ASIC1: variants seen among roughly 807,000 people sequenced by gnomAD.
The protein encoded by ASIC1 is acid sensing ion channel subunit 1.
In ASIC1, 21 loss-of-function variants were observed where a neutral mutation model predicts 63.4. The ratio of observed to expected loss-of-function variants is 0.33; its 90% CI spans 0.23 to 0.48. The LOEUF is 0.48. Ranked by LOEUF, ASIC1 falls within the 20% of genes least tolerant of loss-of-function variation. ASIC1 has a pLI of 0.99. For missense variants in ASIC1, 478 were observed against 695.5 expected, an observed-to-expected ratio of 0.69 and a Z score of 3.52; for synonymous variants, 258 against 278.2, an observed-to-expected ratio of 0.93 and a Z score of 0.72.
intron 3 of ASIC1, among the ~76,000 whole-genome samples, chr12:50,065,703 A>G (rs1016792772): frequency 2.6e-5 from 4 of 152,212 alleles, no homozygotes; most frequent in Admixed American, 6.5e-5. Context: ...GTCAATTGTG[A>G]TCTTTCTGAG....
At position 50,063,029 on chromosome 12, in the gene ASIC1, A is replaced by G. The variant is rs1158001214; in HGVS notation, c.558+3075A>G. Among the ~76,000 whole-genome samples, 3 of 152,160 alleles carry G rather than the reference A, an allele frequency of 2.0e-5. No homozygotes were observed. In the South Asian group the frequency reaches 6.2e-4, roughly 32 times the overall value. ...CAGCAACCTGGCTGGGAAGGTTTCA[A>G]TAGCTGCCTCCTGAGCAACCACAGT... On this transcript the variant is annotated intron_variant, in intron 3 of 11. Coordinates refer to ENST00000447966, the MANE Select transcript of ASIC1 (RefSeq NM_001095.4).
At chr12:50,073,992 C>T in intron 3 of ASIC1, 1 of 1,535,786 alleles carries the variant, frequency 6.5e-7, no homozygotes, top group Non-Finnish European at 8.7e-7. Context: ...TCCCGGCAGT[C>T]ACCCTCTGCA....
In ASIC1 at chr12:50,078,915, C is replaced by T. The variant is rs112190458; in HGVS notation, c.995-9C>T. The T allele has an allele frequency of 1.2e-6, 2 of 1,613,708 alleles. No individual in the cohort carries two copies. Among genetic ancestry groups the T allele is most frequent in the Middle Eastern group, 1.6e-4 (1 of 6,062 alleles). ...CCCATCCTGCATCATTGTCTTTTCT[C>T]CTCTGTAGGGGATGCCCCATACTGT... On this transcript the variant is annotated splice_polypyrimidine_tract_variant and intron_variant, in intron 6 of 11. Coordinates refer to ENST00000447966, the MANE Select transcript of ASIC1 (RefSeq NM_001095.4). This position sits in a 1 kb window ranked among gnomAD's most constrained non-coding sequence, Gnocchi z 6.0.
Position 50,074,048 on chromosome 12 carries a change from T to G in ASIC1, c.559-3165T>G. On this transcript the variant is annotated intron_variant, in intron 3 of 11. Transcript: ENST00000447966. This position sits in a 1 kb window ranked among gnomAD's most constrained non-coding sequence, Gnocchi z 4.2. ...TCCCAGCTCAGCTACCCTGACTTGC[T>G]TTATTTGGCCCCCATGCTGGGACTG... 1 of 1,534,502 alleles carries G rather than the reference T, an allele frequency of 6.5e-7. No individual in the cohort carries two copies. Among genetic ancestry groups the G allele is most frequent in the South Asian group, 1.2e-5 (1 of 83,920 alleles).
Position 50,059,244 on chromosome 12 carries a change from C to T in ASIC1, c.362+116C>T. 1 of 1,411,450 alleles carries T rather than the reference C, an allele frequency of 7.1e-7. No homozygotes were observed. Among genetic ancestry groups the T allele is most frequent in the Non-Finnish European group, 9.5e-7 (1 of 1,055,750 alleles). 87.4% of individuals were successfully genotyped at this position (1,411,450 alleles called of 1,614,324 possible). A position where few individuals can be genotyped will look rare whatever the true frequency, so the allele number is the denominator to read the frequency against. Reference sequence around the variant, plus strand: ...AGCCAACCCTGCCCTTTAACCCACCCCCACCCCCAAACCTGCCACTCACAG... The same window carrying T: ...AGCCAACCCTGCCCTTTAACCCACCTCCACCCCCAAACCTGCCACTCACAG... On this transcript the variant is annotated intron_variant, in intron 2 of 11. Coordinates refer to ENST00000447966, the MANE Select transcript of ASIC1 (RefSeq NM_001095.4). This position sits in a 1 kb window ranked among gnomAD's most constrained non-coding sequence, Gnocchi z 4.6.
chr12:50,070,386 TG>T (rs1464598184), intron 3 of ASIC1, among the ~76,000 whole-genome samples: 1 of 150,710 alleles, frequency 6.6e-6, no homozygotes, highest in African/African-American at 2.4e-5. Context: ...GTGTGCGTGT[TG>T]GGGTGTGTGT....
At chr12:50,080,377 G>A in intron 8 of ASIC1, 121 bp from the exon 9 acceptor site, 2 of 971,624 alleles carry the variant, frequency 2.1e-6, no homozygotes, top group Non-Finnish European at 3.1e-6. Context: ...ATCTCCATCA[G>A]CATCTCATTT....
Position 50,078,738 on chromosome 12 carries a change from C to T in ASIC1, c.994+161C>T. The T allele has an allele frequency of 5.9e-6, 8 of 1,357,634 alleles. No homozygotes were observed. The highest frequency in any genetic ancestry group is 8.3e-6 in the Non-Finnish European group (8 of 964,226). The allele number at this position is 1,357,634 out of a possible 1,614,324, so 84.1% of individuals were successfully genotyped here. On this transcript the variant is annotated intron_variant, in intron 6 of 11. Coordinates refer to ENST00000447966, the MANE Select transcript of ASIC1 (RefSeq NM_001095.4). The surrounding 1 kb of genome is among the most constrained non-coding windows in gnomAD (Gnocchi z 6.0). ...TGACCTCAGTTCCCGCCTGCACCCC[C>T]AGGGATGGGTGGGAAGGGTCTAGAA...
rs1056581321 is a variant in ASIC1 at position 50,081,155 on chromosome 12, C to T, written c.1351C>T (p.Leu451=). 6.2e-7 allele frequency: 1 copy of T among 1,612,568 alleles called. No homozygotes were observed. Among genetic ancestry groups the T allele is most frequent in the Non-Finnish European group, 8.5e-7 (1 of 1,179,448 alleles). ...LFIGASILTV[L]ELFDYAYEVI... The stretch of plus-strand genomic sequence containing the variant: ...CATCGGGGCCAGCATCCTCACGGTG[C>T]TGGAGCTCTTTGACTACGCCTACGA... Residue 451 remains leucine (L), a synonymous_variant, in exon 10 of 12, where the codon CTG becomes TTG. Coordinates refer to ENST00000447966, the MANE Select transcript of ASIC1 (RefSeq NM_001095.4).
intron 3 of ASIC1, among the ~76,000 whole-genome samples, chr12:50,061,244 A>T (rs1950498205): frequency 6.6e-6 from 1 of 152,112 alleles, no homozygotes; most frequent in Non-Finnish European, 1.5e-5. Context: ...TGCAGAAAGG[A>T]TGGCACCATA....
chr12:50,061,896 G>C (rs932431705), intron 3 of ASIC1, among the ~76,000 whole-genome samples: 1 of 152,178 alleles, frequency 6.6e-6, no homozygotes, highest in African/African-American at 2.4e-5. Context: ...CAAAGTTCTG[G>C]AGCAGTCTGA....
chr12:50,078,335 G>A lies in ASIC1; in HGVS notation c.838-86G>A. ...AGAGGGAGAGGGGAGCAGAACTCCA[G>A]AGATCTGCATCTTGTCAGAGGAGTC... On this transcript the variant is annotated intron_variant, in intron 5 of 11. Coordinates refer to ENST00000447966, the MANE Select transcript of ASIC1 (RefSeq NM_001095.4). This position sits in a 1 kb window ranked among gnomAD's most constrained non-coding sequence, Gnocchi z 6.0. 6.4e-7 allele frequency: 1 copy of A among 1,564,990 alleles called. No homozygotes were observed. Among genetic ancestry groups the A allele is most frequent in the Non-Finnish European group, 8.7e-7 (1 of 1,149,350 alleles).
intron 7 of ASIC1, among the ~76,000 whole-genome samples, 174 bp downstream of exon 7, chr12:50,079,154 G>A (rs1330893834): frequency 6.6e-6 from 1 of 152,184 alleles, no homozygotes; most frequent in Non-Finnish European, 1.5e-5. Flanking sequence ...GCTTACACCT[G>A]TAATCCCAGC....
At position 50,057,808 on chromosome 12, in the gene ASIC1, G is replaced by C. The variant is rs1319921470; in HGVS notation, c.-125G>C. 6.7e-6 allele frequency: 1 copy of C among 150,086 alleles called. No individual in the cohort carries two copies. The highest frequency in any genetic ancestry group is 1.5e-5 in the Non-Finnish European group (1 of 67,350). The allele number at this position is 150,086 out of a possible 1,614,324, so 9.3% of individuals were successfully genotyped here. ...CTGCGCGGCGTGCCGCGGCGGCCGC[G>C]GGCTCCGGCCCCGGGCCATGAGCCC... On this transcript the variant is annotated 5_prime_UTR_variant, in exon 1 of 12. Coordinates refer to ENST00000447966, the MANE Select transcript of ASIC1 (RefSeq NM_001095.4). The surrounding 1 kb of genome is among the most constrained non-coding windows in gnomAD (Gnocchi z 4.7).
chr12:50,059,682 C>A lies in ASIC1; in HGVS notation c.363-77C>A. On this transcript the variant is annotated intron_variant, in intron 2 of 11. Transcript: ENST00000447966. The surrounding 1 kb of genome is among the most constrained non-coding windows in gnomAD (Gnocchi z 4.6). ...TGGGACTGATCCCCAGGGCTGGAGG[C>A]TGCCCCCATCACCCAAGTTGGGTGC... is the stretch of plus-strand genomic sequence containing the variant. 6.8e-7 allele frequency: 1 copy of A among 1,469,770 alleles called. No homozygotes were observed. Among genetic ancestry groups the A allele is most frequent in the Non-Finnish European group, 9.3e-7 (1 of 1,079,856 alleles). The allele number at this position is 1,469,770 out of a possible 1,614,324, so 91.0% of individuals were successfully genotyped here. A position where few individuals can be genotyped will look rare whatever the true frequency, so the allele number is the denominator to read the frequency against.
chr12:50,079,745 G>A (rs1188172951), intron 7 of ASIC1, among the ~76,000 whole-genome samples, 157 bp from the exon 8 acceptor site: 4 of 152,184 alleles, frequency 2.6e-5, no homozygotes, highest in Non-Finnish European at 5.9e-5. Flanking sequence ...GGTGAGGTAG[G>A]ATGTTGGCAG....
Position 50,074,157 on chromosome 12 carries a change from C to G in ASIC1, c.559-3056C>G, listed in dbSNP as rs1426802154. 6.5e-7 allele frequency: 1 copy of G among 1,535,296 alleles called. No homozygotes were observed. Among genetic ancestry groups the G allele is most frequent in the Admixed American group, 2.0e-5 (1 of 50,876 alleles). On this transcript the variant is annotated intron_variant, in intron 3 of 11. Coordinates refer to ENST00000447966, the MANE Select transcript of ASIC1 (RefSeq NM_001095.4). The surrounding 1 kb of genome is among the most constrained non-coding windows in gnomAD (Gnocchi z 4.2). Reference sequence around the variant, plus strand: ...GGGAGCCCTTTAACCTGCACCGCTTCTACAATCGCTCCTGCCACCGGCTGG... The same window carrying G: ...GGGAGCCCTTTAACCTGCACCGCTTGTACAATCGCTCCTGCCACCGGCTGG...
chr12:50,070,994 C>A, intron 3 of ASIC1: 1 of 152,644 alleles, frequency 6.6e-6, no homozygotes, highest in Non-Finnish European at 1.5e-5. Flanking sequence ...TCTCTTGGTC[C>A]TGCTCTTTTG....
chr12:50,072,984 G>C (rs116081316), intron 3 of ASIC1, among the ~76,000 whole-genome samples: 139 of 152,264 alleles, frequency 9.1e-4, no homozygotes, highest in African/African-American at 3.3e-3. Flanking sequence ...GAGGGGCTCA[G>C]GTATCCCAGA....
Sources: gnomAD v4.1 joint callset for allele counts (sites outside exome capture counted in the v4.1 genomes callset) on GRCh38, gnomAD v4.1.1 for gene constraint, Gnocchi (gnomAD v3.1) non-coding constraint, MANE v1.5 for transcripts, NCBI Gene and HGNC (gene_info 2026-07-23, HGNC 2026-07-21) for gene names.